The following NTRK2 variants were observed in gnomAD, a reference collection of about 807,000 sequenced individuals.
The protein encoded by NTRK2 is BDNF/NT-3 growth factors receptor.
NTRK2 carries 13 observed loss-of-function variants against 94.5 expected under a neutral mutation model. The ratio of observed to expected loss-of-function variants is 0.14; its 90% CI spans 0.09 to 0.22. NTRK2 has a LOEUF of 0.22. Among genes scored for constraint, NTRK2 ranks in the 10% least tolerant of loss-of-function variants. The pLI is 1.00. For synonymous variants in NTRK2, 372 were observed against 407.4 expected, an observed-to-expected ratio of 0.91 and a Z score of 1.05; for missense variants, 639 against 1,071.2, an observed-to-expected ratio of 0.60 and a Z score of 5.63.
At chr9:84,906,658 C>T (rs1587891117) in intron 14 of NTRK2, among the ~76,000 whole-genome samples, 1 of 152,162 alleles carries the variant, frequency 6.6e-6, no homozygotes, top group Non-Finnish European at 1.5e-5. Flanking sequence ...AGACCCATCC[C>T]CTGTCCCTGC....
At position 84,681,360 on chromosome 9, in the gene NTRK2, A is replaced by C. The variant is rs367712568; in HGVS notation, c.212+10400A>C. Among the ~76,000 whole-genome samples, 4 of 152,222 alleles carry C rather than the reference A, an allele frequency of 2.6e-5. 1 individual carries two copies. The highest frequency in any genetic ancestry group is 1.3e-4 in the Admixed American group (2 of 15,288). On this transcript the variant is annotated intron_variant, in intron 2 of 18. Transcript: ENST00000277120. ...ACTCTTCCTTCTCTGTAACCCCTAC[A>C]CTCATTCACATATTACGTCTTGTCA...
At chr9:84,814,894 G>A (rs1412600445) in intron 12 of NTRK2, 1 of 1,061,644 alleles carries the variant, frequency 9.4e-7, no homozygotes, top group Non-Finnish European at 1.1e-6. Context: ...TAGTACAGAA[G>A]TAACCACTCT....
chr9:84,669,453 C>G (rs987837363), upstream of NTRK2: 1 of 151,822 alleles, frequency 6.6e-6, no homozygotes, highest in African/African-American at 2.5e-5. The surrounding 1 kb of genome is among the most constrained non-coding windows in gnomAD (Gnocchi z 4.1). Context: ...CACACACACA[C>G]AGACACACAC....
intron 14 of NTRK2, among the ~76,000 whole-genome samples, chr9:84,881,051 A>G (rs1485319861): frequency 6.6e-6 from 1 of 152,228 alleles, no homozygotes; most frequent in Admixed American, 6.5e-5. Context: ...ATGCAGCCAG[A>G]GAGTGGTTTG....
chr9:84,958,718 A>G (rs1184808870), intron 17 of NTRK2, among the ~76,000 whole-genome samples: 3 of 152,158 alleles, frequency 2.0e-5, no homozygotes, highest in Non-Finnish European at 4.4e-5. Context: ...AAACCTGACA[A>G]TTTGCTAGCA....
Position 84,727,662 on chromosome 9 carries a change from A to G in NTRK2, c.862A>G (p.Thr288Ala), listed in dbSNP as rs140359847. 1.6e-5 allele frequency: 25 copies of G among 1,612,242 alleles called. No homozygotes were observed. Among genetic ancestry groups the G allele is most frequent in the Non-Finnish European group, 1.9e-5 (23 of 1,179,914 alleles). The change falls in exon 9 of 19, where the codon ACT (threonine) becomes GCT (alanine). Residue 288 changes from threonine (T) to alanine (A), a missense_variant. Around this residue, in one of 5 missense-constraint regions of NTRK2, gnomAD observed 343 missense variants for 571.5 expected, o/e 0.60. Coordinates refer to ENST00000277120, the MANE Select transcript of NTRK2 (RefSeq NM_006180.6). The part of the protein sequence containing the change: ...SVNLTVHFAP[T>A]ITFLESPTSD... ...TCTCTTTTTCAATTTAGTTGCACCA[A>G]CTATCACATTTCTCGAATCTCCAAC...
chr9:84,807,377 C>T (rs1034365464), intron 12 of NTRK2, among the ~76,000 whole-genome samples: 1 of 152,192 alleles, frequency 6.6e-6, no homozygotes, highest in African/African-American at 2.4e-5. Flanking sequence ...GGTTGAGTTT[C>T]AGGCCACATC....
chr9:84,870,097 C>CTATATATA (rs67434914), intron 14 of NTRK2, among the ~76,000 whole-genome samples: 1,334 of 99,584 alleles, frequency 0.013, 11 homozygotes, highest in African/African-American at 0.027. Context: ...TTCCCATTGA[C>CTATATATA]TATATATATA....
rs559629310 is a variant in NTRK2 at position 84,971,557 on chromosome 9, A to G, written c.2172+16040A>G. Among the ~76,000 whole-genome samples the G allele has an allele frequency of 1.8e-3, 272 of 152,360 alleles. 1 individual carries two copies. Among genetic ancestry groups the G allele is most frequent in the African/African-American group, 6.1e-3 (253 of 41,592 alleles). On this transcript the variant is annotated intron_variant, in intron 17 of 18. Coordinates refer to ENST00000277120, the MANE Select transcript of NTRK2 (RefSeq NM_006180.6). ...TGGCAAGAGAAGCAGAACATGGTAA[A>G]GGAGATGGCAGATGGCCAGTGTGCT...
At chr9:84,813,201 A>G (rs200193177) in intron 12 of NTRK2, 5 of 1,049,544 alleles carry the variant, frequency 4.8e-6, no homozygotes, top group Admixed American at 5.5e-5. Flanking sequence ...CTAAATGAAC[A>G]GAATGATCTG....
At chr9:84,956,209 T>C (rs1262040187) in intron 17 of NTRK2, among the ~76,000 whole-genome samples, 1 of 152,210 alleles carries the variant, frequency 6.6e-6, no homozygotes, top group Non-Finnish European at 1.5e-5. Context: ...CCAAGCGCCA[T>C]CTTGGTTGAA....
intron 17 of NTRK2, among the ~76,000 whole-genome samples, chr9:84,975,487 C>T (rs1458941261): frequency 1.3e-5 from 2 of 152,146 alleles, no homozygotes; most frequent in Non-Finnish European, 2.9e-5. Flanking sequence ...GGGGGTCTCA[C>T]TTTTGCCATC....
chr9:84,872,714 G>GTA (rs1411280940), intron 14 of NTRK2: 1 of 1,064,732 alleles, frequency 9.4e-7, no homozygotes, highest in African/African-American at 1.6e-5. Flanking sequence ...GTATCCTTGT[G>GTA]TATATGTGTG....
At chr9:84,799,979 GA>G (rs1274135701) in intron 12 of NTRK2, among the ~76,000 whole-genome samples, 1 of 152,150 alleles carries the variant, frequency 6.6e-6, no homozygotes, top group Non-Finnish European at 1.5e-5. Flanking sequence ...GAAATTGACT[GA>G]ATCTTCTGAA....
chr9:85,003,742 T>C lies in NTRK2; in HGVS notation c.2173-16464T>C, dbSNP rs879480390. Reference sequence around the variant, plus strand: ...AAGCAAGAGTGAAAGCAGACATACCTGTTAGGAGGCTACTGTGAGGATCCG... The same window carrying C: ...AAGCAAGAGTGAAAGCAGACATACCCGTTAGGAGGCTACTGTGAGGATCCG... On this transcript the variant is annotated intron_variant, in intron 17 of 18. Transcript: ENST00000277120. Among the ~76,000 whole-genome samples, 10 of 151,790 alleles carry C rather than the reference T, an allele frequency of 6.6e-5. 1 individual carries two copies. The highest frequency in any genetic ancestry group is 6.6e-4 in the Admixed American group (10 of 15,222).
At chr9:84,706,121 A>G (rs2061041549) in intron 4 of NTRK2, among the ~76,000 whole-genome samples, 1 of 152,176 alleles carries the variant, frequency 6.6e-6, no homozygotes, top group Non-Finnish European at 1.5e-5. Flanking sequence ...TTCCAAAAGA[A>G]GAGACCTATG....
chr9:84,939,347 C>T (rs1244573281), intron 15 of NTRK2, among the ~76,000 whole-genome samples: 1 of 152,070 alleles, frequency 6.6e-6, no homozygotes, highest in Non-Finnish European at 1.5e-5. Flanking sequence ...CTAAGGTCAC[C>T]TAGCCTAAAA....
intron 16 of NTRK2, among the ~76,000 whole-genome samples, chr9:84,950,312 T>C (rs2078734948): frequency 6.6e-6 from 1 of 152,206 alleles, no homozygotes. Flanking sequence ...AGTGATCTCC[T>C]GCATCTAGCA....
At chr9:84,919,296 C>A (rs2077491193) in intron 14 of NTRK2, among the ~76,000 whole-genome samples, 1 of 152,302 alleles carries the variant, frequency 6.6e-6, no homozygotes, top group East Asian at 1.9e-4. Context: ...CTCTAGTAGG[C>A]AAATGCTTGG....
Sources: gnomAD v4.1 joint callset for allele counts (sites outside exome capture counted in the v4.1 genomes callset) on GRCh38, gnomAD v4.1.1 for gene constraint, gnomAD v4.1.1 regional missense constraint, Gnocchi (gnomAD v3.1) non-coding constraint, MANE v1.5 for transcripts, NCBI Gene and HGNC (gene_info 2026-07-23, HGNC 2026-07-21) for gene names.